Variants in PARD3 observed in about 807,000 individuals in gnomAD.
PARD3 encodes partitioning defective 3 homolog.
Under a neutral mutation model 155.4 loss-of-function variants are expected in PARD3, and 75 were observed. The observed-to-expected ratio is 0.48, with a 90% CI of 0.40 to 0.58. The LOEUF (loss-of-function observed/expected upper bound fraction) is 0.58, where lower values mean the gene tolerates loss of function less well. PARD3 is among the 20% of genes least tolerant of loss of function. The probability of loss-of-function intolerance (pLI) is 0.00; values close to 1 mark genes in which losing one functional copy is unlikely to be tolerated. For synonymous variants in PARD3, 576 were observed against 610.5 expected (o/e 0.94, Z 0.83); for missense variants, 1,642 against 1,721.7 (o/e 0.95, Z 0.82).
At chr10:34,312,919 G>A (rs771085011) in intron 20 of PARD3, among the ~76,000 whole-genome samples, 6 of 152,150 alleles carry the variant, frequency 3.9e-5, no homozygotes, top group Non-Finnish European at 7.3e-5. Context: ...CACAAAAAGC[G>A]AGCACATGAT....
At chr10:34,576,031 T>C (rs2086860212) in intron 2 of PARD3, among the ~76,000 whole-genome samples, 1 of 152,224 alleles carries the variant, frequency 6.6e-6, no homozygotes, top group South Asian at 2.1e-4. Flanking sequence ...GGGAAATGTG[T>C]GTTGCTTCTT....
At chr10:34,777,751 T>G (rs1183787701) in intron 1 of PARD3, among the ~76,000 whole-genome samples, 1 of 152,046 alleles carries the variant, frequency 6.6e-6, no homozygotes, top group East Asian at 1.9e-4. Context: ...AGGCTGGTCT[T>G]GAACTCCTGG....
At chr10:34,467,798 G>A (rs2133047154) in intron 4 of PARD3, among the ~76,000 whole-genome samples, 1 of 152,230 alleles carries the variant, frequency 6.6e-6, no homozygotes, top group South Asian at 2.1e-4. Flanking sequence ...CGTCAGCTAG[G>A]TGGATGTGGT....
chr10:34,584,896 G>A (rs1001175217), intron 2 of PARD3, among the ~76,000 whole-genome samples: 3 of 151,984 alleles, frequency 2.0e-5, no homozygotes, highest in Non-Finnish European at 4.4e-5. Context: ...CTTGTTCCTA[G>A]GGATTTATCC....
intron 5 of PARD3, among the ~76,000 whole-genome samples, chr10:34,431,902 C>T (rs1313293529): frequency 3.3e-5 from 5 of 150,270 alleles, no homozygotes; most frequent in African/African-American, 4.9e-5. Context: ...ATTAGCTGGG[C>T]GTGGTGGCGG....
intron 19 of PARD3, among the ~76,000 whole-genome samples, chr10:34,323,137 G>C (rs1223017922): frequency 6.6e-6 from 1 of 152,134 alleles, no homozygotes; most frequent in East Asian, 1.9e-4. Flanking sequence ...AAGAACGCTG[G>C]GGACATAAAT....
At chr10:34,393,150 TA>T (rs34936875) in intron 7 of PARD3, among the ~76,000 whole-genome samples, 34,692 of 133,662 alleles carry the variant, frequency 0.26, 4,629 homozygotes, top group South Asian at 0.46. Flanking sequence ...TACTAGATCT[TA>T]AAAAAAAAAA....
intron 21 of PARD3, among the ~76,000 whole-genome samples, chr10:34,272,470 C>G (rs1366789487): frequency 6.6e-6 from 1 of 152,142 alleles, no homozygotes; most frequent in Non-Finnish European, 1.5e-5. Flanking sequence ...CGGCTCATAC[C>G]TGTAATCCCA....
intron 1 of PARD3, among the ~76,000 whole-genome samples, chr10:34,796,756 G>A (rs900819516): frequency 6.6e-6 from 1 of 152,202 alleles, no homozygotes; most frequent in African/African-American, 2.4e-5. Context: ...AGGCCGAGGC[G>A]AGTGGATCAC....
At chr10:34,578,475 AAAGAAT>A (rs1367744971) in intron 2 of PARD3, among the ~76,000 whole-genome samples, 2 of 152,252 alleles carry the variant, frequency 1.3e-5, no homozygotes, top group Non-Finnish European at 2.9e-5. Flanking sequence ...CAGAATTGTC[AAAGAAT>A]AAGTTTTAAA....
intron 2 of PARD3, among the ~76,000 whole-genome samples, chr10:34,648,168 T>G (rs533968592): frequency 6.6e-6 from 1 of 152,236 alleles, no homozygotes; most frequent in South Asian, 2.1e-4. Flanking sequence ...AAAATGCATA[T>G]GTGAACCCCA....
intron 2 of PARD3, among the ~76,000 whole-genome samples, chr10:34,581,354 C>A (rs1051824427): frequency 6.7e-6 from 1 of 148,244 alleles, no homozygotes; most frequent in African/African-American, 2.5e-5. Context: ...CCTTCCTCAG[C>A]CTCCTGAGTA....
chr10:34,197,514 TG>T (rs1951003568), intron 22 of PARD3, among the ~76,000 whole-genome samples: 2 of 152,196 alleles, frequency 1.3e-5, no homozygotes, highest in African/African-American at 4.8e-5. Flanking sequence ...ACTTCAACAA[TG>T]TAGACATCAT....
At chr10:34,568,335 T>A (rs571132170) in intron 2 of PARD3, among the ~76,000 whole-genome samples, 1 of 152,350 alleles carries the variant, frequency 6.6e-6, no homozygotes, top group African/African-American at 2.4e-5. Context: ...GTTTCCATTA[T>A]TGGCAAATGA....
At chr10:34,479,943 CAT>C (rs763735934) in intron 3 of PARD3, among the ~76,000 whole-genome samples, 2 of 152,228 alleles carry the variant, frequency 1.3e-5, no homozygotes, top group African/African-American at 4.8e-5. Flanking sequence ...CCTCTGCTCA[CAT>C]GAGGCAAGGG....
Position 34,109,822 on chromosome 10 carries a change from AAT to A in PARD3, c.*1345_*1346del, listed in dbSNP as rs1946319770. The A allele has an allele frequency of 6.6e-6, 1 of 152,162 alleles. No individual in the cohort carries two copies. The highest frequency in any genetic ancestry group is 2.4e-5 in the African/African-American group (1 of 41,452). The allele number at this position is 152,162 out of a possible 1,614,324, so 9.4% of individuals were successfully genotyped here. A position where few individuals can be genotyped will look rare whatever the true frequency, so the allele number is the denominator to read the frequency against. On this transcript the variant is annotated 3_prime_UTR_variant, in exon 25 of 25. Coordinates refer to ENST00000374788, the MANE Select transcript of PARD3 (RefSeq NM_001184785.2). Reference sequence around the variant, plus strand: ...AAATACAATGTGCCAATAAAAAAAAAATAGACATATCCATACATGTCTTTTTT... The same window carrying A: ...AAATACAATGTGCCAATAAAAAAAAAAGACATATCCATACATGTCTTTTTT...
intron 2 of PARD3, among the ~76,000 whole-genome samples, chr10:34,666,806 TATATATATATACACACAC>T (rs367895198): frequency 0.029 from 1,368 of 47,478 alleles, 38 homozygotes; most frequent in African/African-American, 0.099. Context: ...AATATATATA[TATATATATATACACACAC>T]ACACACACAC....
chr10:34,203,808 T>C (rs1951332699), intron 22 of PARD3, among the ~76,000 whole-genome samples: 1 of 152,214 alleles, frequency 6.6e-6, no homozygotes. Flanking sequence ...ACCTGAGTTC[T>C]ATTGATCTGT....
chr10:34,608,659 C>T (rs531873922), intron 2 of PARD3, among the ~76,000 whole-genome samples: 4 of 151,682 alleles, frequency 2.6e-5, no homozygotes, highest in East Asian at 1.9e-4. Flanking sequence ...TTCAGCCTCC[C>T]GAGTAGCTGG....
Sources: allele counts gnomAD v4.1 joint callset (sites outside exome capture counted in the v4.1 genomes callset), GRCh38; gene constraint gnomAD v4.1.1; transcripts MANE v1.5; gene names NCBI Gene and HGNC (gene_info 2026-07-23, HGNC 2026-07-21).